SLC35F3: variants seen among roughly 807,000 people sequenced by gnomAD.
SLC35F3 encodes the protein putative thiamine transporter SLC35F3.
In SLC35F3, 25 loss-of-function variants were observed where a neutral mutation model predicts 49.9. The observed-to-expected ratio is 0.50, with a 90% CI of 0.37 to 0.70. The LOEUF is 0.70. Among genes scored for constraint, SLC35F3 ranks in the 30% least tolerant of loss-of-function variants. The pLI is 0.00. For missense variants in SLC35F3, 525 were observed against 639.8 expected (o/e 0.82, Z 1.94); for synonymous variants, 275 against 265.4 (o/e 1.04, Z -0.35).
intron 3 of SLC35F3, among the ~76,000 whole-genome samples, chr1:234,234,921 G>T (rs1017313571): frequency 2.0e-5 from 3 of 152,198 alleles, no homozygotes; most frequent in African/African-American, 4.8e-5. Flanking sequence ...AACAAGTACT[G>T]TGTTGTGATA....
chr1:234,070,480 A>G (rs530087061), intron 2 of SLC35F3, among the ~76,000 whole-genome samples: 5 of 152,210 alleles, frequency 3.3e-5, no homozygotes, highest in Non-Finnish European at 7.4e-5. Flanking sequence ...TAAAGTATGT[A>G]TTCCAAGTAT....
chr1:234,216,873 A>G (rs1244770642), intron 2 of SLC35F3, among the ~76,000 whole-genome samples: 1 of 152,196 alleles, frequency 6.6e-6, no homozygotes, highest in Non-Finnish European at 1.5e-5. Flanking sequence ...GGATACCTAC[A>G]AGTATCCCAT....
chr1:234,147,535 C>A (rs1020568881), intron 2 of SLC35F3, among the ~76,000 whole-genome samples: 1 of 152,058 alleles, frequency 6.6e-6, no homozygotes, highest in African/African-American at 2.4e-5. Flanking sequence ...TCATTTATAG[C>A]ATGTGTACTC....
At chr1:233,911,861 C>T (rs1020772115) in intron 2 of SLC35F3, among the ~76,000 whole-genome samples, 1 of 152,258 alleles carries the variant, frequency 6.6e-6, no homozygotes, top group African/African-American at 2.4e-5. Flanking sequence ...TTTAGGGAGA[C>T]GTGGGCAAGG....
intron 3 of SLC35F3, among the ~76,000 whole-genome samples, chr1:234,236,195 C>T (rs1395199368): frequency 6.6e-6 from 1 of 152,076 alleles, no homozygotes; most frequent in Non-Finnish European, 1.5e-5. Context: ...AATCCCAGCA[C>T]TTTGGTGGGC....
At chr1:234,060,477 C>G (rs962171744) in intron 2 of SLC35F3, among the ~76,000 whole-genome samples, 1 of 152,148 alleles carries the variant, frequency 6.6e-6, no homozygotes, top group Admixed American at 6.5e-5. Context: ...GACAGGGTCT[C>G]ACTCTGTCAC....
intron 2 of SLC35F3, among the ~76,000 whole-genome samples, chr1:233,929,232 A>G (rs1179369799): frequency 2.6e-5 from 4 of 152,206 alleles, no homozygotes; most frequent in African/African-American, 9.6e-5. Flanking sequence ...TGGGGCTGCC[A>G]ATTCCGTTGG....
chr1:233,948,255 G>GAA (rs1662548555), intron 2 of SLC35F3, among the ~76,000 whole-genome samples: 1 of 148,846 alleles, frequency 6.7e-6, no homozygotes, highest in Non-Finnish European at 1.5e-5. Flanking sequence ...GAGAGAGAGA[G>GAA]AATGTGTGAA....
At chr1:234,143,160 A>C (rs1320695429) in intron 2 of SLC35F3, among the ~76,000 whole-genome samples, 2 of 152,020 alleles carry the variant, frequency 1.3e-5, no homozygotes, top group Non-Finnish European at 1.5e-5. Context: ...ATCCTATCTA[A>C]CTGCAACTCT....
intron 2 of SLC35F3, among the ~76,000 whole-genome samples, chr1:234,034,110 T>G (rs1156449350): frequency 2.0e-5 from 3 of 152,216 alleles, no homozygotes; most frequent in Non-Finnish European, 4.4e-5. Flanking sequence ...TTATGTTTTT[T>G]GCAGCTGTAA....
intron 2 of SLC35F3, among the ~76,000 whole-genome samples, chr1:234,041,868 G>A: frequency 6.6e-6 from 1 of 152,152 alleles, no homozygotes; most frequent in East Asian, 1.9e-4. Flanking sequence ...TGATGGGTGG[G>A]CAGTTCAAAT....
chr1:234,041,425 C>T (rs765870423), intron 2 of SLC35F3, among the ~76,000 whole-genome samples: 25 of 152,042 alleles, frequency 1.6e-4, no homozygotes, highest in Non-Finnish European at 3.2e-4. Context: ...ATCATTTCCA[C>T]CTACATCCAT....
chr1:234,293,018 G>C lies in SLC35F3; in HGVS notation c.609-16083G>C, dbSNP rs142439208. Among the ~76,000 whole-genome samples the C allele has an allele frequency of 1.9e-3, 284 of 152,290 alleles. 1 individual carries two copies. The highest frequency in any genetic ancestry group is 6.6e-3 in the African/African-American group (273 of 41,558). On this transcript the variant is annotated intron_variant, in intron 3 of 7. Coordinates refer to ENST00000366618, the MANE Select transcript of SLC35F3 (RefSeq NM_173508.4). ...AGAGATTACAGCTAATTCATTTTTA[G>C]ACTTATGATGTCTAAGACTCATTAT...
At chr1:234,229,959 G>A (rs1667340557) in intron 2 of SLC35F3, among the ~76,000 whole-genome samples, 1 of 152,186 alleles carries the variant, frequency 6.6e-6, no homozygotes. Context: ...ACATCTTTCT[G>A]CCCTGCAGCC....
intron 2 of SLC35F3, among the ~76,000 whole-genome samples, chr1:234,000,460 T>C (rs959815663): frequency 7.2e-5 from 11 of 152,230 alleles, no homozygotes; most frequent in Admixed American, 2.6e-4. Context: ...ATTGGACATC[T>C]TAATGTGCTT....
intron 2 of SLC35F3, among the ~76,000 whole-genome samples, chr1:234,137,221 G>A (rs1665824740): frequency 6.6e-6 from 1 of 152,208 alleles, no homozygotes; most frequent in Non-Finnish European, 1.5e-5. Context: ...TAAAGCAGAT[G>A]TTTTATAGGT....
At position 234,108,718 on chromosome 1, in the gene SLC35F3, T is replaced by C. The variant is rs868294679; in HGVS notation, c.284-122699T>C. On this transcript the variant is annotated intron_variant, in intron 2 of 7. Coordinates refer to ENST00000366618, the MANE Select transcript of SLC35F3 (RefSeq NM_173508.4). Reference sequence around the variant, plus strand: ...AAATATATATTATATATATAAAAGATATATATAAATATATATATCTTTTAT... The same window carrying C: ...AAATATATATTATATATATAAAAGACATATATAAATATATATATCTTTTAT... Among the ~76,000 whole-genome samples, 48 of 70,600 alleles carry C rather than the reference T, an allele frequency of 6.8e-4. 2 individuals are homozygous for C. Among genetic ancestry groups the C allele is most frequent in the Middle Eastern group, 6.8e-3 (1 of 148 alleles). 46.3% of individuals were successfully genotyped at this position (70,600 alleles called of 152,430 possible).
chr1:234,138,846 C>T (rs10797530), intron 2 of SLC35F3, among the ~76,000 whole-genome samples: 42,888 of 152,086 alleles, frequency 0.28, 8,332 homozygotes, highest in East Asian at 0.74. Flanking sequence ...AGCCACTGCC[C>T]CTGGCCTTGT....
Position 234,231,574 on chromosome 1 carries a change from C to T in SLC35F3, c.441C>T (p.Ser147=), listed in dbSNP as rs1667376439. ...TGGCGGTCGTGCTGTGCGTGTGCTC[C>T]TCGTGGGCGGGCTCCACGCAGCTCG... is the stretch of plus-strand genomic sequence containing the variant. ...WGVAVVLCVC[S]SWAGSTQLAK... is the part of the protein sequence containing the mutation. The change falls in exon 3 of 8, where the codon TCC becomes TCT. Residue 147 remains serine, a synonymous_variant. Transcript: ENST00000366618. The surrounding 1 kb of genome is among the most constrained non-coding windows in gnomAD (Gnocchi z 5.4). The T allele has an allele frequency of 6.2e-7, 1 of 1,614,164 alleles. No individual in the cohort carries two copies.
Sources: gnomAD v4.1 joint callset for allele counts (sites outside exome capture counted in the v4.1 genomes callset) on GRCh38, gnomAD v4.1.1 for gene constraint, Gnocchi (gnomAD v3.1) non-coding constraint, MANE v1.5 for transcripts, NCBI Gene and HGNC (gene_info 2026-07-23, HGNC 2026-07-21) for gene names.